SEC63: variants seen among roughly 807,000 people sequenced by gnomAD.
SEC63 encodes SEC63 protein translocation regulator, also known as translocation protein SEC63 homolog.
SEC63 carries 56 observed loss-of-function variants against 116.2 expected under a neutral mutation model. That is an observed-to-expected ratio of 0.48 (90% CI 0.39 to 0.60). The LOEUF is 0.60. Among genes scored for constraint, SEC63 ranks in the 20% least tolerant of loss-of-function variants. SEC63 has a pLI of 0.00. For missense variants in SEC63, 668 were observed against 900.0 expected (o/e 0.74, Z 3.30); for synonymous variants, 273 against 294.6 (o/e 0.93, Z 0.75).
chr6:107,951,620 C>T (rs373857571), intron 1 of SEC63, among the ~76,000 whole-genome samples: 12 of 152,254 alleles, frequency 7.9e-5, no homozygotes, highest in South Asian at 2.1e-4. Flanking sequence ...TTAAAAAATA[C>T]CAGTACATAA....
chr6:107,944,373 T>C (rs1291133643), intron 1 of SEC63, among the ~76,000 whole-genome samples: 1 of 152,162 alleles, frequency 6.6e-6, no homozygotes, highest in Non-Finnish European at 1.5e-5. Flanking sequence ...GGTTAAGCAC[T>C]TATACACACA....
At chr6:107,956,042 G>T (rs1261273175) in intron 1 of SEC63, 28 of 403,466 alleles carry the variant, frequency 6.9e-5, no homozygotes. Flanking sequence ...CTACTCGGGG[G>T]GCTGAAGCGG....
rs549306942 is a variant in SEC63, at chr6:107,921,922, A to G, written c.340-13T>C. The stretch of plus-strand genomic sequence containing the variant: ...CTACTGTGGCTCCCTGGGGAAAAAC[A>G]AAAAAAAAAAACAAGCTTTCTGTTA... On this transcript the variant is annotated splice_polypyrimidine_tract_variant and intron_variant, in intron 3 of 20. Transcript: ENST00000369002. 3 of 964,116 alleles carry G rather than the reference A, an allele frequency of 3.1e-6. No homozygotes were observed. The highest frequency in any genetic ancestry group is 6.1e-5 in the Admixed American group (2 of 32,608). 59.7% of individuals were successfully genotyped at this position (964,116 alleles called of 1,614,324 possible).
At chr6:107,885,009 T>C (rs1786496304) in intron 16 of SEC63, among the ~76,000 whole-genome samples, 1 of 151,814 alleles carries the variant, frequency 6.6e-6, no homozygotes, top group Non-Finnish European at 1.5e-5. Context: ...AAAGGAAACA[T>C]TTCCTTAACC....
chr6:107,912,853 A>G (rs984324042), intron 5 of SEC63, 79 bp from the exon 6 acceptor site: 18 of 1,049,974 alleles, frequency 1.7e-5, no homozygotes, highest in African/African-American at 6.3e-5. Flanking sequence ...TTTGGGATCT[A>G]TAATATATCC....
intron 1 of SEC63, among the ~76,000 whole-genome samples, chr6:107,930,522 G>A (rs1056922526): frequency 1.3e-4 from 20 of 150,512 alleles, no homozygotes; most frequent in African/African-American, 4.2e-4. Flanking sequence ...CAGGAGAACT[G>A]CTTGAACCTG....
chr6:107,929,212 TCCA>T (rs1787742364), intron 2 of SEC63, among the ~76,000 whole-genome samples, 200 bp downstream of exon 2: 1 of 152,202 alleles, frequency 6.6e-6, no homozygotes, highest in South Asian at 2.1e-4. Context: ...ACCCCCGACC[TCCA>T]GCAACAGTAT....
intron 4 of SEC63, among the ~76,000 whole-genome samples, chr6:107,920,039 G>A (rs1343090985): frequency 1.3e-5 from 2 of 152,040 alleles, no homozygotes; most frequent in Non-Finnish European, 2.9e-5. Flanking sequence ...CCCTCCACCA[G>A]CAAAAAGAAT....
intron 16 of SEC63, among the ~76,000 whole-genome samples, chr6:107,892,565 C>T (rs1786708541): frequency 6.6e-6 from 1 of 152,014 alleles, no homozygotes; most frequent in Non-Finnish European, 1.5e-5. Context: ...AAAAAAGAGA[C>T]TAATGAAATT....
Position 107,893,758 on chromosome 6 carries a change from G to A in SEC63, c.1500+80C>T, listed in dbSNP as rs1583734792. ...ATAGCTAAACTGAATTACTCTCCCA[G>A]AGCAATATAAGTCAATTGGAAAAGT... On this transcript the variant is annotated intron_variant, in intron 15 of 20. Coordinates refer to ENST00000369002, the MANE Select transcript of SEC63 (RefSeq NM_007214.5). 4 of 1,593,634 alleles carry A rather than the reference G, an allele frequency of 2.5e-6. No individual in the cohort carries two copies. In the East Asian group the frequency reaches 8.9e-5, roughly 36 times the overall value.
rs1184812954 is a variant in SEC63, at chr6:107,871,136, T to C, written c.*568A>G. The C allele has an allele frequency of 6.3e-6, 1 of 158,182 alleles. No individual in the cohort carries two copies. Among genetic ancestry groups the C allele is most frequent in the African/African-American group, 2.4e-5 (1 of 41,480 alleles). The allele number at this position is 158,182 out of a possible 1,614,324, so 9.8% of individuals were successfully genotyped here. The stretch of plus-strand genomic sequence containing the variant: ...AGGAAAATTCCAAAACGTAGCCCTC[T>C]ATATCATGTGGAATGTGAGAGAATG... On this transcript the variant is annotated 3_prime_UTR_variant, in exon 21 of 21. Coordinates refer to ENST00000369002, the MANE Select transcript of SEC63 (RefSeq NM_007214.5).
intron 18 of SEC63, among the ~76,000 whole-genome samples, chr6:107,879,321 G>C (rs879450386): frequency 6.6e-6 from 1 of 151,416 alleles, no homozygotes; most frequent in Non-Finnish European, 1.5e-5. Context: ...CCGCCACCAC[G>C]CCCGGCTAAT....
chr6:107,906,453 T>C lies in SEC63; in HGVS notation c.956A>G (p.Glu319Gly). 6.2e-7 allele frequency: 1 copy of C among 1,614,136 alleles called. No homozygotes were observed. The highest frequency in any genetic ancestry group is 1.1e-5 in the South Asian group (1 of 91,082). The change falls in exon 10 of 21, where the codon GAA becomes GGA. Residue 319 changes from glutamate to glycine, a missense_variant. Coordinates refer to ENST00000369002, the MANE Select transcript of SEC63 (RefSeq NM_007214.5). ...LARMKIPETL[E>G]EDQQFMLKKC... ...GATACCGGAATCACAAATACCTTCT[T>C]CAAGGGTCTCAGGAATTTTCATTCT...
intron 1 of SEC63, among the ~76,000 whole-genome samples, chr6:107,955,745 G>A (rs1770697272): frequency 6.6e-6 from 1 of 152,024 alleles, no homozygotes; most frequent in Non-Finnish European, 1.5e-5. Context: ...AATAAGCCAA[G>A]CCTGGTGGTG....
At chr6:107,956,312 T>C (rs1770709776) in intron 1 of SEC63, among the ~76,000 whole-genome samples, 1 of 152,212 alleles carries the variant, frequency 6.6e-6, no homozygotes, top group East Asian at 1.9e-4. Flanking sequence ...TAATGGCTGT[T>C]AGGTGAAAAT....
At chr6:107,911,301 A>C (rs1257370229) in intron 7 of SEC63, 45 bp downstream of exon 7, 4 of 1,297,258 alleles carry the variant, frequency 3.1e-6, no homozygotes, top group Middle Eastern at 3.8e-4. Context: ...AAACATGTCA[A>C]TCTCCTTTCC....
chr6:107,926,110 G>A (rs561542800), intron 2 of SEC63, among the ~76,000 whole-genome samples: 113 of 152,212 alleles, frequency 7.4e-4, no homozygotes, highest in Middle Eastern at 3.4e-3. Context: ...GAGCGACTGC[G>A]CCCAGCCTCT....
chr6:107,895,963 G>A (rs117333515), intron 14 of SEC63, among the ~76,000 whole-genome samples: 5,158 of 151,398 alleles, frequency 0.034, 124 homozygotes, highest in Non-Finnish European at 0.052. Context: ...ACAGGCATTC[G>A]AGACCAGCCT....
At chr6:107,907,448 G>A (rs1787171043) in intron 8 of SEC63, among the ~76,000 whole-genome samples, 1 of 152,128 alleles carries the variant, frequency 6.6e-6, no homozygotes, top group African/African-American at 2.4e-5. Context: ...CAGGCATAGT[G>A]GTGCACGCCT....
Sources: allele counts gnomAD v4.1 joint callset (sites outside exome capture counted in the v4.1 genomes callset), GRCh38; gene constraint gnomAD v4.1.1; transcripts MANE v1.5; gene names NCBI Gene and HGNC (gene_info 2026-07-23, HGNC 2026-07-21).